Variants in RSAD1 observed in about 807,000 individuals in gnomAD.
The protein encoded by RSAD1 is radical S-adenosyl methionine domain containing 1.
A neutral mutation model predicts 46.2 loss-of-function variants in RSAD1; 34 were observed. The observed-to-expected ratio is 0.74, with a 90% CI of 0.56 to 0.98. RSAD1 has a LOEUF of 0.98. RSAD1 is among the 50% of genes least tolerant of loss of function. The pLI is 0.00. For synonymous variants in RSAD1, 260 were observed against 253.5 expected, an observed-to-expected ratio of 1.03 and a Z score of -0.24; for missense variants, 635 against 592.3, an observed-to-expected ratio of 1.07 and a Z score of -0.75.
At chr17:50,482,621 A>G (rs1465874530) in intron 4 of RSAD1, 22 bp from the exon 5 acceptor site, 3 of 1,613,958 alleles carry the variant, frequency 1.9e-6, no homozygotes, top group Middle Eastern at 3.3e-4. Context: ...TTCACTCTGC[A>G]CTATTTCCTC....
chr17:50,479,772 G>A lies in RSAD1; in HGVS notation c.269+10G>A, dbSNP rs2033358612. On this transcript the variant is annotated intron_variant, in intron 2 of 8. Coordinates refer to ENST00000258955, the MANE Select transcript of RSAD1 (RefSeq NM_018346.3). ...TCAGCGGGGTGCAACGGTGGGTAGT[G>A]GGGGCTGTAGGCAGCGTTTTGGGAA... 5 of 1,599,936 alleles carry A rather than the reference G, an allele frequency of 3.1e-6. No homozygotes were observed. Among genetic ancestry groups the A allele is most frequent in the Non-Finnish European group, 3.4e-6 (4 of 1,171,876 alleles).
At position 50,484,821 on chromosome 17, in the gene RSAD1, C is replaced by G. The variant is rs772907100; in HGVS notation, c.1289C>G (p.Ala430Gly). Residue 430 changes from alanine (A) to glycine (G), a missense_variant, in exon 9 of 9, where the codon GCC (alanine) becomes GGC (glycine). Transcript: ENST00000258955. Reference protein sequence around the residue: ...LLTLLPQLQEAWQQRTPSPVP... With the variant: ...LLTLLPQLQEGWQQRTPSPVP... ...ACCCTCCTGCCTCAGCTCCAAGAAG[C>G]CTGGCAGCAGAGAACCCCCTCCCCT... is the stretch of plus-strand genomic sequence containing the variant. The G allele has an allele frequency of 4.3e-6, 7 of 1,614,020 alleles. No individual in the cohort carries two copies. The South Asian group carries it at 7.7e-5, about 18-fold the overall frequency.
At position 50,479,674 on chromosome 17, in the gene RSAD1, T is replaced by TA. The variant is rs1345205383; in HGVS notation, c.182dup (p.Tyr61Ter). The change falls in exon 2 of 9, where the codon TAC becomes TAAC. Residue 61 changes from tyrosine to a stop codon, truncating the protein, a stop_gained and frameshift_variant. Transcript: ENST00000258955. LOFTEE classifies it high-confidence loss of function. Reference protein sequence around the residue: ...KRCSYCNFNKYIPRRLEEAAM... With the variant: ...KRCSYCNFNK The stretch of plus-strand genomic sequence containing the variant: ...CTGCAGTTACTGCAACTTCAACAAG[T>TA]ACATCCCTCGCCGCCTGGAGGAGGC... The TA allele has an allele frequency of 3.7e-6, 6 of 1,613,836 alleles. No individual in the cohort carries two copies. The South Asian group carries it at 6.6e-5, about 18-fold the overall frequency.
chr17:50,483,825 C>A, intron 7 of RSAD1, 65 bp downstream of exon 7: 1 of 1,440,930 alleles, frequency 6.9e-7, no homozygotes, highest in Non-Finnish European at 9.5e-7. Flanking sequence ...TGCCCCCTCC[C>A]TGCCACCCCC....
chr17:50,480,124 C>T (rs1238837082), intron 3 of RSAD1, 40 bp downstream of exon 3: 2 of 1,588,748 alleles, frequency 1.3e-6, no homozygotes, highest in South Asian at 1.1e-5. Flanking sequence ...GCACCCCGCC[C>T]TTCAGTGCCA....
chr17:50,479,772 G>C lies in RSAD1; in HGVS notation c.269+10G>C. The stretch of plus-strand genomic sequence containing the variant: ...TCAGCGGGGTGCAACGGTGGGTAGT[G>C]GGGGCTGTAGGCAGCGTTTTGGGAA... On this transcript the variant is annotated intron_variant, in intron 2 of 8. Transcript: ENST00000258955. 6.3e-7 allele frequency: 1 copy of C among 1,599,936 alleles called. No individual in the cohort carries two copies. Among genetic ancestry groups the C allele is most frequent in the Non-Finnish European group, 8.5e-7 (1 of 1,171,876 alleles).
In RSAD1 at chr17:50,482,142, G is replaced by T; in HGVS notation, c.526G>T (p.Asp176Tyr). The T allele has an allele frequency of 6.3e-7, 1 of 1,591,420 alleles. No homozygotes were observed. The highest frequency in any genetic ancestry group is 8.6e-7 in the Non-Finnish European group (1 of 1,166,130). ...GTTGGGACGGACGCACTCGGCCTGC[G>T]ATGCTCTGCGGACGCTGGCAGAGGC... Reference protein sequence around the residue: ...RLLGRTHSACDALRTLAEARR... With the variant: ...RLLGRTHSACYALRTLAEARR... The change falls in exon 4 of 9, where the codon GAT becomes TAT. Residue 176 changes from aspartate to tyrosine, a missense_variant. Physicochemically the swap from Asp to Tyr is radical, Grantham distance 160. Transcript: ENST00000258955.
In RSAD1 at chr17:50,484,938, C is replaced by T. The variant is rs979383090; in HGVS notation, c.*77C>T. The T allele has an allele frequency of 6.0e-5, 71 of 1,175,098 alleles. No individual in the cohort carries two copies. The Middle Eastern group carries it at 9.7e-4, about 16-fold the overall frequency. The allele number at this position is 1,175,098 out of a possible 1,614,324, so 72.8% of individuals were successfully genotyped here. A position where few individuals can be genotyped will look rare whatever the true frequency, so the allele number is the denominator to read the frequency against. ...GTCGGTACTGCAGACATCTCTTCTC[C>T]GTTGTCGGGTGCCGTCTCTGCTCCT... On this transcript the variant is annotated 3_prime_UTR_variant, in exon 9 of 9. Transcript: ENST00000258955.
rs138384713 is a variant in RSAD1 at position 50,482,113 on chromosome 17, G to A, written c.497G>A (p.Arg166Gln). Residue 166 changes from arginine (R) to glutamine (Q), a missense_variant, in exon 4 of 9, where the codon CGG (arginine) becomes CAG (glutamine). Physicochemically the swap from Arg to Gln is conservative, Grantham distance 43 (BLOSUM62 1). Transcript: ENST00000258955. ...CAGTCCCTAGATGACACTGAGCTCC[G>A]GCTGTTGGGACGGACGCACTCGGCC... ...GLQSLDDTELRLLGRTHSACD... is the reference protein window; with the variant it reads ...GLQSLDDTELQLLGRTHSACD... The A allele has an allele frequency of 8.1e-5, 128 of 1,579,100 alleles. No homozygotes were observed. In the African/African-American group the frequency reaches 1.5e-3, roughly 19 times the overall value.
chr17:50,484,370 T>A, intron 7 of RSAD1, 72 bp from the exon 8 acceptor site: 1 of 1,373,008 alleles, frequency 7.3e-7, no homozygotes, highest in Non-Finnish European at 1.0e-6. Context: ...CCCCCACCTC[T>A]CACCATACCC....
chr17:50,478,946 G>A lies in RSAD1; in HGVS notation c.62G>A (p.Arg21His). 4 of 1,387,072 alleles carry A rather than the reference G, an allele frequency of 2.9e-6. No individual in the cohort carries two copies. Among genetic ancestry groups the A allele is most frequent in the Admixed American group, 3.3e-5 (1 of 30,112 alleles). 85.9% of individuals were successfully genotyped at this position (1,387,072 alleles called of 1,614,324 possible). Residue 21 changes from arginine to histidine, a missense_variant, in exon 1 of 9, where the codon CGC (arginine) becomes CAC (histidine). By Grantham distance (29) the Arg-to-His change is conservative. Transcript: ENST00000258955. ...GCAGCAGCCAGAGCGGCCCAGAGGC[G>A]CCGCCGCGTGGAGAACGCAGGAGGG... ...WAAAARAAQR[R>H]RRVENAGGSP...
At position 50,479,698 on chromosome 17, in the gene RSAD1, G is replaced by C; in HGVS notation, c.205G>C (p.Ala69Pro). 1 of 1,613,940 alleles carries C rather than the reference G, an allele frequency of 6.2e-7. No homozygotes were observed. The highest frequency in any genetic ancestry group is 8.5e-7 in the Non-Finnish European group (1 of 1,179,964). Residue 69 changes from alanine to proline, a missense_variant, in exon 2 of 9, where the codon GCT (alanine) becomes CCT (proline). Physicochemically the swap from Ala to Pro is conservative, Grantham distance 27. Coordinates refer to ENST00000258955, the MANE Select transcript of RSAD1 (RefSeq NM_018346.3). ...NKYIPRRLEE[A>P]AMQKCLVTEA... Reference sequence around the variant, plus strand: ...GTACATCCCTCGCCGCCTGGAGGAGGCTGCCATGCAGAAGTGTCTGGTGAC... The same window carrying C: ...GTACATCCCTCGCCGCCTGGAGGAGCCTGCCATGCAGAAGTGTCTGGTGAC...
At chr17:50,482,599 A>G in intron 4 of RSAD1, 44 bp from the exon 5 acceptor site, 1 of 1,613,594 alleles carries the variant, frequency 6.2e-7, no homozygotes, top group Non-Finnish European at 8.5e-7. Flanking sequence ...TCTAAAAATG[A>G]GGCCTGCCCT....
At chr17:50,483,315 T>A in intron 5 of RSAD1, 25 bp from the exon 6 acceptor site, 1 of 1,609,774 alleles carries the variant, frequency 6.2e-7, no homozygotes, top group Non-Finnish European at 8.5e-7. Flanking sequence ...GCCATTAATG[T>A]GGGGATGGTT....
In RSAD1 at chr17:50,484,270, G is replaced by A. The variant is rs976431834; in HGVS notation, c.1108-172G>A. ...GGGTTCCAGTCTCAGTGGAATAGGA[G>A]TGAAGCTGCCCTCCTCCCTGCTGGC... On this transcript the variant is annotated intron_variant, in intron 7 of 8. Coordinates refer to ENST00000258955, the MANE Select transcript of RSAD1 (RefSeq NM_018346.3). 1.0e-5 allele frequency: 6 copies of A among 597,282 alleles called. No individual in the cohort carries two copies. The East Asian group carries it at 1.7e-4, about 17-fold the overall frequency. The allele number at this position is 597,282 out of a possible 1,614,324, so 37.0% of individuals were successfully genotyped here.
intron 5 of RSAD1, 37 bp from the exon 6 acceptor site, chr17:50,483,303 C>T (rs764592999): frequency 5.6e-6 from 9 of 1,603,780 alleles, no homozygotes; most frequent in Non-Finnish European, 6.8e-6. Flanking sequence ...ATAGTATTAA[C>T]AGCCATTAAT....
intron 1 of RSAD1, 85 bp from the exon 2 acceptor site, chr17:50,479,544 G>A: frequency 6.4e-7 from 1 of 1,555,666 alleles, no homozygotes; most frequent in East Asian, 2.2e-5. Flanking sequence ...GGATAGGGGT[G>A]GGGGTGGGGT....
chr17:50,480,933 T>C (rs1347493119), intron 3 of RSAD1, among the ~76,000 whole-genome samples: 1 of 152,228 alleles, frequency 6.6e-6, no homozygotes, highest in Admixed American at 6.5e-5. Context: ...GCATGAGATC[T>C]ACCGTCTTAA....
At chr17:50,484,376 T>A in intron 7 of RSAD1, 66 bp from the exon 8 acceptor site, 108 of 1,323,588 alleles carry the variant, frequency 8.2e-5, no homozygotes, top group Middle Eastern at 1.9e-4. Flanking sequence ...CCTCTCACCA[T>A]ACCCCAACTA....
Sources: allele counts gnomAD v4.1 joint callset (sites outside exome capture counted in the v4.1 genomes callset), GRCh38; gene constraint gnomAD v4.1.1; transcripts MANE v1.5; gene names NCBI Gene and HGNC (gene_info 2026-07-23, HGNC 2026-07-21).